The following NWD1 variants were observed in gnomAD, a reference collection of about 807,000 sequenced individuals.
NWD1 encodes the protein NACHT domain- and WD repeat-containing protein 1.
A neutral mutation model predicts 135.1 loss-of-function variants in NWD1; 129 were observed. The observed-to-expected ratio is 0.96, with a 90% CI of 0.83 to 1.11. The LOEUF is 1.11. Ranked by LOEUF, NWD1 falls within the 50% of genes least tolerant of loss-of-function variation. NWD1 has a pLI of 0.00. For synonymous variants in NWD1, 773 were observed against 786.0 expected (o/e 0.98, Z 0.28); for missense variants, 1,740 against 1,851.3 (o/e 0.94, Z 1.10).
At chr19:16,722,471 T>C (rs1038767261) in intron 1 of NWD1, among the ~76,000 whole-genome samples, 1 of 151,908 alleles carries the variant, frequency 6.6e-6, no homozygotes, top group African/African-American at 2.4e-5. Flanking sequence ...GTATTTTTAG[T>C]AGAGGCGGGG....
chr19:16,762,782 G>GCATC (rs1555724374), intron 8 of NWD1, among the ~76,000 whole-genome samples: 5 of 149,600 alleles, frequency 3.3e-5, no homozygotes, highest in African/African-American at 1.2e-4. Context: ...TCCCTCCCTC[G>GCATC]CTTCCTTCCT....
At position 16,764,293 on chromosome 19, in the gene NWD1, T is replaced by A. The variant is rs372805638; in HGVS notation, c.2251+348T>A. Among the ~76,000 whole-genome samples the A allele has an allele frequency of 3.3e-5, 5 of 150,082 alleles. No homozygotes were observed. The East Asian group carries it at 7.7e-4, about 23-fold the overall frequency. ...CTGCCTTATCATGAGAGACCCTATC[T>A]GTCTGTCTGTCTATTTGTCAGTCTG... On this transcript the variant is annotated intron_variant, in intron 9 of 18. Transcript: ENST00000524140.
intron 5 of NWD1, among the ~76,000 whole-genome samples, chr19:16,745,376 G>A (rs1002346290): frequency 2.6e-5 from 4 of 151,880 alleles, no homozygotes; most frequent in South Asian, 2.1e-4. Flanking sequence ...AATGCAGGGC[G>A]ACTACCATCC....
intron 14 of NWD1, among the ~76,000 whole-genome samples, chr19:16,793,566 T>G (rs779283291): frequency 2.9e-4 from 34 of 118,546 alleles, no homozygotes; most frequent in Non-Finnish European, 4.7e-4. Flanking sequence ...TGTTTTTTTG[T>G]TTTTTGGTTT....
chr19:16,760,337 C>A (rs1030688267), intron 7 of NWD1, among the ~76,000 whole-genome samples: 2 of 151,398 alleles, frequency 1.3e-5, no homozygotes, highest in African/African-American at 4.9e-5. Context: ...TGGCTCACTG[C>A]AGCCTCAAAC....
intron 2 of NWD1, among the ~76,000 whole-genome samples, chr19:16,728,866 C>T (rs1456352693): frequency 1.3e-5 from 2 of 149,752 alleles, no homozygotes; most frequent in Non-Finnish European, 3.0e-5. Flanking sequence ...ATGGCGTGAA[C>T]CCAGGAGGCG....
At chr19:16,725,139 G>A (rs552443957) in intron 2 of NWD1, among the ~76,000 whole-genome samples, 13 of 150,840 alleles carry the variant, frequency 8.6e-5, no homozygotes, top group East Asian at 2.0e-4. Context: ...TCAGCCTCTC[G>A]AATAGCTGGG....
At chr19:16,724,703 T>A (rs1056779758) in intron 2 of NWD1, among the ~76,000 whole-genome samples, 6 of 152,122 alleles carry the variant, frequency 3.9e-5, no homozygotes, top group East Asian at 1.9e-4. Flanking sequence ...AAAAAAATAT[T>A]TTTTTTTGAG....
chr19:16,779,249 T>C (rs1969768483), intron 11 of NWD1, 94 bp from the exon 12 acceptor site: 2 of 1,433,710 alleles, frequency 1.4e-6, no homozygotes, highest in East Asian at 2.3e-5. Context: ...TCAGTTGTCT[T>C]ATCTGTGAAG....
At chr19:16,745,221 T>C (rs905361440) in intron 5 of NWD1, 1 of 372,086 alleles carries the variant, frequency 2.7e-6, no homozygotes, top group Non-Finnish European at 5.4e-6. Flanking sequence ...ACTTATTCAC[T>C]ACCACGAGAA....
At chr19:16,795,369 C>T (rs1156576333) in intron 15 of NWD1, among the ~76,000 whole-genome samples, 2 of 152,084 alleles carry the variant, frequency 1.3e-5, no homozygotes, top group Admixed American at 1.3e-4. Context: ...CACAAGGGGT[C>T]CACGACCCTG....
At chr19:16,750,750 C>T (rs1179822093) in intron 6 of NWD1, among the ~76,000 whole-genome samples, 1 of 152,120 alleles carries the variant, frequency 6.6e-6, no homozygotes, top group Non-Finnish European at 1.5e-5. Context: ...ATCCTCCCAT[C>T]TCAGCCTGCC....
At chr19:16,742,880 CCTA>C (rs1333518486) in intron 4 of NWD1, among the ~76,000 whole-genome samples, 1 of 113,264 alleles carries the variant, frequency 8.8e-6, no homozygotes, top group African/African-American at 3.4e-5. Context: ...CACTATGTTG[CCTA>C]TTATTATTAT....
At chr19:16,720,765 G>A (rs1042661201) in intron 1 of NWD1, among the ~76,000 whole-genome samples, 1 of 152,120 alleles carries the variant, frequency 6.6e-6, no homozygotes, top group Non-Finnish European at 1.5e-5. Context: ...GTGTTAGCCA[G>A]GATGGTCTCG....
At position 16,723,857 on chromosome 19, in the gene NWD1, G is replaced by A. The variant is rs559340194; in HGVS notation, c.-104-509G>A. On this transcript the variant is annotated intron_variant, in intron 1 of 18. Transcript: ENST00000524140. ...ATTACAGACGTGCACCGTCATGCCCGGCTAATTTTTGTATTTTTAGTAGAG... is the reference window on the plus strand; with the variant it reads ...ATTACAGACGTGCACCGTCATGCCCAGCTAATTTTTGTATTTTTAGTAGAG... Among the ~76,000 whole-genome samples the A allele has an allele frequency of 3.3e-5, 5 of 152,104 alleles. No homozygotes were observed. In the East Asian group the frequency reaches 9.7e-4, roughly 29 times the overall value.
chr19:16,788,320 A>G (rs906309289), intron 12 of NWD1, among the ~76,000 whole-genome samples: 9 of 149,852 alleles, frequency 6.0e-5, no homozygotes, highest in Non-Finnish European at 1.2e-4. Context: ...CTGTAATCCC[A>G]GCACTTGGGA....
intron 2 of NWD1, among the ~76,000 whole-genome samples, chr19:16,724,794 G>A (rs1967261897): frequency 6.6e-6 from 1 of 151,882 alleles, no homozygotes; most frequent in Admixed American, 6.6e-5. Flanking sequence ...CCAGGTTCGA[G>A]TAATTCTCCT....
chr19:16,777,095 A>G (rs1321331869), intron 11 of NWD1, among the ~76,000 whole-genome samples: 1 of 12,592 alleles, frequency 7.9e-5, no homozygotes, highest in African/African-American at 3.8e-4. Flanking sequence ...AAGGGGAGGG[A>G]AGGGGAAAGG....
intron 8 of NWD1, 135 bp downstream of exon 8, chr19:16,762,273 T>G: frequency 1.5e-6 from 1 of 662,210 alleles, no homozygotes. Context: ...GGGCAAGATG[T>G]CCCTTCTACT....
Sources: allele counts gnomAD v4.1 joint callset (sites outside exome capture counted in the v4.1 genomes callset), GRCh38; gene constraint gnomAD v4.1.1; transcripts MANE v1.5; gene names NCBI Gene and HGNC (gene_info 2026-07-23, HGNC 2026-07-21).